Variants in FCGR3A observed in about 807,000 individuals in gnomAD.
The protein encoded by FCGR3A is Fc gamma receptor IIIa.
Under a neutral mutation model 24.1 loss-of-function variants are expected in FCGR3A, and 13 were observed. That is an observed-to-expected ratio of 0.54 (90% confidence interval 0.35 to 0.86). The LOEUF is 0.86. Ranked by LOEUF, FCGR3A falls within the 40% of genes least tolerant of loss-of-function variation. The pLI is 0.01. For synonymous variants in FCGR3A, 93 were observed against 112.2 expected, an observed-to-expected ratio of 0.83 and a Z score of 1.08; for missense variants, 235 against 298.0, an observed-to-expected ratio of 0.79 and a Z score of 1.56.
Position 161,542,489 on chromosome 1 carries a change from C to T in FCGR3A, c.*523G>A, listed in dbSNP as rs1320478034. ...CCTTATCTCTGGGCTCAGATGGGAA[C>T]ACCTCCCTTAGACTATCCTGGACTA... On this transcript the variant is annotated 3_prime_UTR_variant, in exon 5 of 5. Transcript: ENST00000443193. 1 of 152,518 alleles carries T rather than the reference C, an allele frequency of 6.6e-6. No homozygotes were observed. The highest frequency in any genetic ancestry group is 1.5e-5 in the Non-Finnish European group (1 of 68,276). 9.4% of individuals were successfully genotyped at this position (152,518 alleles called of 1,614,324 possible). A position where few individuals can be genotyped will look rare whatever the true frequency, so the allele number is the denominator to read the frequency against.
chr1:161,542,392 G>A lies in FCGR3A; in HGVS notation c.*620C>T, dbSNP rs543013717. 1 of 151,310 alleles carries A rather than the reference G, an allele frequency of 6.6e-6. No individual in the cohort carries two copies. The highest frequency in any genetic ancestry group is 2.1e-4 in the South Asian group (1 of 4,792). 9.4% of individuals were successfully genotyped at this position (151,310 alleles called of 1,614,324 possible). A position where few individuals can be genotyped will look rare whatever the true frequency, so the allele number is the denominator to read the frequency against. On this transcript the variant is annotated 3_prime_UTR_variant, in exon 5 of 5. Coordinates refer to ENST00000443193, the MANE Select transcript of FCGR3A (RefSeq NM_000569.8). ...TGGTCCAGTTCTGATAGAGTCCCCTGGAAGACTCAATTCTACGTCACCCTC... is the reference window on the plus strand; with the variant it reads ...TGGTCCAGTTCTGATAGAGTCCCCTAGAAGACTCAATTCTACGTCACCCTC...
At chr1:161,549,621 C>T (rs10917571) in intron 1 of FCGR3A, 76 bp downstream of exon 1, 38 of 1,567,514 alleles carry the variant, frequency 2.4e-5, no homozygotes, top group African/African-American at 2.7e-5. Flanking sequence ...GAGTCTCATT[C>T]GTAGCCTGAA....
intron 3 of FCGR3A, 137 bp downstream of exon 3, chr1:161,548,284 A>G: frequency 2.1e-6 from 3 of 1,444,744 alleles, no homozygotes; most frequent in South Asian, 2.5e-5. Context: ...CAACTCTGAT[A>G]CCATTCAGTG....
chr1:161,544,059 G>A (rs1292175007), intron 4 of FCGR3A, among the ~76,000 whole-genome samples: 5 of 152,402 alleles, frequency 3.3e-5, no homozygotes, highest in South Asian at 2.1e-4. Flanking sequence ...TTTGCACCTC[G>A]GTTACTTCAT....
upstream of FCGR3A, among the ~76,000 whole-genome samples, chr1:161,550,342 A>G (rs539701614): frequency 3.3e-5 from 5 of 152,306 alleles, no homozygotes; most frequent in Admixed American, 6.5e-5. Context: ...CAAAATCTAT[A>G]TGCTCCTGGG....
chr1:161,548,678 T>C lies in FCGR3A; in HGVS notation c.62A>G (p.Glu21Gly), dbSNP rs1677589356. The C allele has an allele frequency of 6.2e-7, 1 of 1,613,830 alleles. No homozygotes were observed. The highest frequency in any genetic ancestry group is 1.3e-5 in the African/African-American group (1 of 74,994). The change falls in exon 3 of 5, where the codon GAA becomes GGA. Residue 21 changes from glutamate to glycine, a missense_variant and splice_region_variant. Physicochemically the swap from Glu to Gly is moderately conservative, Grantham distance 98. Coordinates refer to ENST00000443193, the MANE Select transcript of FCGR3A (RefSeq NM_000569.8). ...LLLVSAGMRT[E>G]DLPKAVVFLE... Reference sequence around the variant, plus strand: ...GAACACCACAGCCTTTGGGAGATCTTCTGAGGAGCCAAGATAATGTGGGGT... The same window carrying C: ...GAACACCACAGCCTTTGGGAGATCTCCTGAGGAGCCAAGATAATGTGGGGT...
intron 3 of FCGR3A, among the ~76,000 whole-genome samples, chr1:161,547,146 C>G (rs1297140049): frequency 1.3e-5 from 2 of 152,056 alleles, no homozygotes; most frequent in Admixed American, 1.3e-4. Flanking sequence ...TTTTCTATTG[C>G]TTTCTCTTGG....
chr1:161,549,117 C>A (rs1471557447), intron 1 of FCGR3A, 86 bp from the exon 2 acceptor site: 19 of 1,150,264 alleles, frequency 1.7e-5, no homozygotes, highest in Admixed American at 1.4e-4. Flanking sequence ...ACTCCCCTGC[C>A]CTCCTCTGCC....
chr1:161,544,785 T>C lies in FCGR3A; in HGVS notation c.493A>G (p.Lys165Glu). Residue 165 changes from lysine to glutamate, a missense_variant, in exon 4 of 5, where the codon AAA becomes GAA. Transcript: ENST00000443193. Reference sequence around the variant, plus strand: ...CTGCAGAAGTAGGAGCCGCTGTCTTTGAGTGTGGCTTTTGGAATGTAGAAG... The same window carrying C: ...CTGCAGAAGTAGGAGCCGCTGTCTTCGAGTGTGGCTTTTGGAATGTAGAAG... ...SDFYIPKATL[K>E]DSGSYFCRGL... 5 of 1,613,662 alleles carry C rather than the reference T, an allele frequency of 3.1e-6. No individual in the cohort carries two copies. Among genetic ancestry groups the C allele is most frequent in the Non-Finnish European group, 4.2e-6 (5 of 1,179,706 alleles).
chr1:161,542,872 A>C lies in FCGR3A; in HGVS notation c.*140T>G. On this transcript the variant is annotated 3_prime_UTR_variant, in exon 5 of 5. Coordinates refer to ENST00000443193, the MANE Select transcript of FCGR3A (RefSeq NM_000569.8). ...TCCACTGGAGACCAAGGAAAAGTCGAGAGTTGGATAAGGGATCTGGCTCTG... is the reference window on the plus strand; with the variant it reads ...TCCACTGGAGACCAAGGAAAAGTCGCGAGTTGGATAAGGGATCTGGCTCTG... 1 of 665,708 alleles carries C rather than the reference A, an allele frequency of 1.5e-6. No individual in the cohort carries two copies. The highest frequency in any genetic ancestry group is 3.0e-5 in the Admixed American group (1 of 33,728). The allele number at this position is 665,708 out of a possible 1,614,324, so 41.2% of individuals were successfully genotyped here. A position where few individuals can be genotyped will look rare whatever the true frequency, so the allele number is the denominator to read the frequency against.
At chr1:161,546,511 C>A (rs1572017298) in intron 3 of FCGR3A, among the ~76,000 whole-genome samples, 2 of 151,978 alleles carry the variant, frequency 1.3e-5, no homozygotes, top group Admixed American at 6.6e-5. Context: ...CATAAATATT[C>A]AGAAATAATC....
chr1:161,546,323 A>G lies in FCGR3A; in HGVS notation c.320-1365T>C, dbSNP rs1471541287. On this transcript the variant is annotated intron_variant, in intron 3 of 4. Transcript: ENST00000443193. ...TAGTATATAGTCTGGTGGCCTTTGG[A>G]GGAACATTCTTGTTCGAATCTATCC... is the stretch of plus-strand genomic sequence containing the variant. Among the ~76,000 whole-genome samples the G allele has an allele frequency of 3.9e-5, 6 of 152,170 alleles. No homozygotes were observed. The East Asian group carries it at 7.7e-4, about 20-fold the overall frequency.
At chr1:161,550,097 C>A, upstream of FCGR3A, 1 of 569,308 alleles carries the variant, frequency 1.8e-6, no homozygotes, top group Non-Finnish European at 3.1e-6. Context: ...CACCCAGCAC[C>A]AAGAATGGGA....
At chr1:161,549,851 C>A, upstream of FCGR3A, 1 of 1,611,850 alleles carries the variant, frequency 6.2e-7, no homozygotes, top group Non-Finnish European at 8.5e-7. Context: ...CCATCTCTGT[C>A]ACCCACCAAT....
chr1:161,546,964 C>T (rs1677445108), intron 3 of FCGR3A, among the ~76,000 whole-genome samples: 1 of 151,912 alleles, frequency 6.6e-6, no homozygotes, highest in Non-Finnish European at 1.5e-5. Context: ...AAAAATGCTT[C>T]TCAGAGGAGG....
chr1:161,544,700 C>T lies in FCGR3A; in HGVS notation c.577+1G>A. Reference sequence around the variant, plus strand: ...GCATTCCAGGGTGGCACATGTCTCACCTTGAGTGATGGTGATGTTCACAGT... The same window carrying T: ...GCATTCCAGGGTGGCACATGTCTCATCTTGAGTGATGGTGATGTTCACAGT... On this transcript the variant is annotated splice_donor_variant, in intron 4 of 4. Transcript: ENST00000443193. LOFTEE classifies it high-confidence loss of function. 6.2e-7 allele frequency: 1 copy of T among 1,611,842 alleles called. No individual in the cohort carries two copies.
chr1:161,549,369 A>C (rs1677629624), intron 1 of FCGR3A, among the ~76,000 whole-genome samples: 1 of 152,100 alleles, frequency 6.6e-6, no homozygotes, highest in African/African-American at 2.4e-5. Context: ...GTAGAAATTG[A>C]AAATCATAGA....
chr1:161,548,997 T>C lies in FCGR3A; in HGVS notation c.61+14A>G, dbSNP rs1219174711. 1.2e-6 allele frequency: 2 copies of C among 1,602,484 alleles called. No individual in the cohort carries two copies. Among genetic ancestry groups the C allele is most frequent in the Non-Finnish European group, 1.7e-6 (2 of 1,170,340 alleles). On this transcript the variant is annotated intron_variant, in intron 2 of 4. Coordinates refer to ENST00000443193, the MANE Select transcript of FCGR3A (RefSeq NM_000569.8). Reference sequence around the variant, plus strand: ...GCCCCACTGGGTCAATCCAAGACCATGAAGCTGACTCACCAGTCCGCATGC... The same window carrying C: ...GCCCCACTGGGTCAATCCAAGACCACGAAGCTGACTCACCAGTCCGCATGC...
intron 1 of FCGR3A, 25 bp downstream of exon 1, chr1:161,549,672 C>T (rs1171885494): frequency 1.2e-6 from 2 of 1,612,894 alleles, no homozygotes; most frequent in South Asian, 2.2e-5. Flanking sequence ...AAACTTCTCC[C>T]TCAACCAGGG....
Sources: gnomAD v4.1 joint callset for allele counts (sites outside exome capture counted in the v4.1 genomes callset) on GRCh38, gnomAD v4.1.1 for gene constraint, MANE v1.5 for transcripts, NCBI Gene and HGNC (gene_info 2026-07-23, HGNC 2026-07-21) for gene names.